The following KLRG1 variants were observed in gnomAD, a reference collection of about 807,000 sequenced individuals.
The protein encoded by KLRG1 is killer cell lectin-like receptor subfamily G member 1.
Under a neutral mutation model 21.8 loss-of-function variants are expected in KLRG1, and 16 were observed. That is an observed-to-expected ratio of 0.73 (90% CI 0.50 to 1.11). The LOEUF is 1.11. KLRG1 is among the 50% of genes most tolerant of loss of function. KLRG1 has a pLI of 0.00. For synonymous variants in KLRG1, 69 were observed against 75.9 expected (o/e 0.91, Z 0.47); for missense variants, 173 against 218.3 (o/e 0.79, Z 1.31).
At chr12:9,031,180 G>A in the KLRG1 span, among the ~76,000 whole-genome samples, 1 of 152,168 alleles carries the variant, frequency 6.6e-6, no homozygotes, top group Admixed American at 6.5e-5. Flanking sequence ...AGGCTGGGAG[G>A]GGCAAAAGCC....
chr12:9,150,661 T>C, the KLRG1 span: 14 of 1,606,956 alleles, frequency 8.7e-6, no homozygotes, highest in East Asian at 1.6e-4. Flanking sequence ...ATAGTAATCA[T>C]AGACTTTAAC....
the KLRG1 span, among the ~76,000 whole-genome samples, chr12:9,033,081 A>G: frequency 6.6e-6 from 1 of 152,168 alleles, no homozygotes; most frequent in East Asian, 1.9e-4. Flanking sequence ...AGAGGGCAGG[A>G]AGAAACTGCC....
chr12:9,009,335 C>G lies in KLRG1; in HGVS notation c.459-91C>G, dbSNP rs774144271. 4.6e-6 allele frequency: 7 copies of G among 1,508,098 alleles called. No homozygotes were observed. The African/African-American group carries it at 8.4e-5, about 18-fold the overall frequency. 93.4% of individuals were successfully genotyped at this position (1,508,098 alleles called of 1,614,324 possible). On this transcript the variant is annotated intron_variant, in intron 4 of 4. Transcript: ENST00000356986. The stretch of plus-strand genomic sequence containing the variant: ...GGAATTAGGGGCCTGAATAGGGAGA[C>G]AGAATTTGCTTCATTTTTATCCCTT...
chr12:8,956,777 G>A (rs1204680739), intron 1 of KLRG1, among the ~76,000 whole-genome samples: 1 of 152,178 alleles, frequency 6.6e-6, no homozygotes, highest in Non-Finnish European at 1.5e-5. Flanking sequence ...GGTGTCTTTT[G>A]AGTTTTTTGG....
the KLRG1 span, among the ~76,000 whole-genome samples, chr12:9,107,302 A>AT: frequency 2.0e-5 from 3 of 152,144 alleles, no homozygotes; most frequent in Non-Finnish European, 4.4e-5. Flanking sequence ...GAGGCTTTAG[A>AT]TGGCTCAGTG....
the KLRG1 span, chr12:9,057,998 T>C: frequency 2.6e-5 from 4 of 152,306 alleles, no homozygotes; most frequent in East Asian, 7.7e-4. Context: ...CTCCATAATA[T>C]CCAACACATG....
At chr12:9,133,216 G>C in the KLRG1 span, among the ~76,000 whole-genome samples, 1 of 152,282 alleles carries the variant, frequency 6.6e-6, no homozygotes. Context: ...GCTGGGCACA[G>C]AGTTCAGAAG....
chr12:9,197,244 C>A, the KLRG1 span: 1 of 645,978 alleles, frequency 1.5e-6, no homozygotes, highest in Admixed American at 3.0e-5. Flanking sequence ...GGGTGCCCAC[C>A]AAGTAGAAAG....
At chr12:9,194,711 G>A in the KLRG1 span, among the ~76,000 whole-genome samples, 2 of 152,024 alleles carry the variant, frequency 1.3e-5, no homozygotes, top group Non-Finnish European at 2.9e-5. Context: ...TGATCTGCCC[G>A]CCTCGGCCTC....
chr12:9,028,149 C>CTTTTTT, the KLRG1 span: 67 of 485,706 alleles, frequency 1.4e-4, no homozygotes, highest in South Asian at 2.3e-4. Context: ...TCGTCTTCTT[C>CTTTTTT]TTTTTTTTTT....
the KLRG1 span, among the ~76,000 whole-genome samples, chr12:9,040,447 A>C: frequency 6.6e-6 from 1 of 152,240 alleles, no homozygotes; most frequent in African/African-American, 2.4e-5. Flanking sequence ...ATCTATAAGA[A>C]GGACACTTTC....
At chr12:9,171,062 A>T in the KLRG1 span, among the ~76,000 whole-genome samples, 2 of 152,158 alleles carry the variant, frequency 1.3e-5, no homozygotes, top group Non-Finnish European at 2.9e-5. Context: ...AGACCTCCCA[A>T]TGAGGGTCTC....
At chr12:9,214,497 G>A in the KLRG1 span, among the ~76,000 whole-genome samples, 1 of 151,912 alleles carries the variant, frequency 6.6e-6, no homozygotes, top group Non-Finnish European at 1.5e-5. Flanking sequence ...TCCTTACTCT[G>A]CCTTTTGTGC....
At chr12:9,034,070 A>G in the KLRG1 span, among the ~76,000 whole-genome samples, 1 of 152,306 alleles carries the variant, frequency 6.6e-6, no homozygotes, top group Non-Finnish European at 1.5e-5. Flanking sequence ...ATGAGAGACA[A>G]TTGGTATTTG....
chr12:9,131,676 A>C, the KLRG1 span, among the ~76,000 whole-genome samples: 1 of 152,018 alleles, frequency 6.6e-6, no homozygotes, highest in Non-Finnish European at 1.5e-5. Flanking sequence ...TGTTTGATAA[A>C]TATTCAGTTA....
downstream of KLRG1, among the ~76,000 whole-genome samples, chr12:9,012,585 C>T (rs1947647040): frequency 6.6e-6 from 1 of 151,586 alleles, no homozygotes; most frequent in African/African-American, 2.4e-5. Flanking sequence ...ACTTCTTCTG[C>T]TTGAGGAAAT....
At chr12:9,124,449 G>A in the KLRG1 span, among the ~76,000 whole-genome samples, 66 of 129,722 alleles carry the variant, frequency 5.1e-4, no homozygotes, top group African/African-American at 1.7e-3. Flanking sequence ...AAGGGGCTGG[G>A]AGCAGGCAAG....
the KLRG1 span, chr12:9,151,756 A>C: frequency 1.3e-5 from 14 of 1,050,398 alleles, no homozygotes; most frequent in East Asian, 3.4e-4. Flanking sequence ...GTAATAAGGG[A>C]CAAATGGTCA....
the KLRG1 span, among the ~76,000 whole-genome samples, chr12:9,177,390 G>C: frequency 6.6e-6 from 1 of 152,202 alleles, no homozygotes; most frequent in Non-Finnish European, 1.5e-5. Context: ...CTGTCAAGCT[G>C]TCAGGTGGCT....
Sources: gnomAD v4.1 joint callset for allele counts (sites outside exome capture counted in the v4.1 genomes callset) on GRCh38, gnomAD v4.1.1 for gene constraint, MANE v1.5 for transcripts, NCBI Gene and HGNC (gene_info 2026-07-23, HGNC 2026-07-21) for gene names.